CTCF: variants seen among roughly 807,000 people sequenced by gnomAD.
The protein encoded by CTCF is CCCTC-binding factor.
Under a neutral mutation model 72.3 loss-of-function variants are expected in CTCF, and 7 were observed. The observed-to-expected ratio is 0.10, with a 90% CI of 0.06 to 0.18. The LOEUF (loss-of-function observed/expected upper bound fraction) is 0.18. Among genes scored for constraint, CTCF ranks in the 10% least tolerant of loss-of-function variants. The pLI is 1.00. For missense variants in CTCF, 516 were observed against 949.1 expected, an observed-to-expected ratio of 0.54 and a Z score of 6.00; for synonymous variants, 374 against 315.8, an observed-to-expected ratio of 1.18 and a Z score of -1.95.
chr16:67,616,622 A>C, intron 4 of CTCF, 123 bp from the exon 5 acceptor site: 1 of 1,105,828 alleles, frequency 9.0e-7, no homozygotes, highest in Non-Finnish European at 1.3e-6. Flanking sequence ...TCTGCTTTCA[A>C]GCTACTGCAG....
intron 1 of CTCF, among the ~76,000 whole-genome samples, chr16:67,570,341 A>G (rs568898126): frequency 5.6e-4 from 85 of 152,212 alleles, no homozygotes; most frequent in African/African-American, 1.8e-3. Flanking sequence ...CGGCCTCCCA[A>G]AGTGCTGGGA....
chr16:67,602,670 T>C (rs113577933), intron 2 of CTCF, among the ~76,000 whole-genome samples: 22,581 of 151,638 alleles, frequency 0.15, 2,643 homozygotes, highest in African/African-American at 0.32. Flanking sequence ...GGAGAAACCC[T>C]GTCTCTCCTA....
chr16:67,592,237 C>A (rs1308837766), intron 2 of CTCF, among the ~76,000 whole-genome samples: 1 of 152,022 alleles, frequency 6.6e-6, no homozygotes, highest in Non-Finnish European at 1.5e-5. Context: ...CATAGTGAAA[C>A]CCTGTCTCTA....
At position 67,611,180 on chromosome 16, in the gene CTCF, T is replaced by A; in HGVS notation, c.348T>A (p.Val116=). 1 of 1,614,164 alleles carries A rather than the reference T, an allele frequency of 6.2e-7. No homozygotes were observed. The highest frequency in any genetic ancestry group is 1.3e-5 in the African/African-American group (1 of 75,050). The change falls in exon 3 of 12, where the codon GTT becomes GTA. Residue 116 remains valine, a synonymous_variant. Transcript: ENST00000264010. ...TAAACATAGGAGAACTTCAGCTTGT[T>A]CAAGTACCTGTTCCTGTGACTGTAC... The part of the protein sequence containing the change: ...QPINIGELQL[V]QVPVPVTVPV...
Position 67,629,448 on chromosome 16 carries a change from G to C in CTCF, c.1752G>C (p.Glu584Asp). The C allele has an allele frequency of 6.2e-7, 1 of 1,611,060 alleles. No individual in the cohort carries two copies. Residue 584 changes from glutamate (E) to aspartate (D), a missense_variant, in exon 10 of 12, where the codon GAG becomes GAC. This residue lies in a region of CTCF where 157 missense variants were observed against 172.9 expected (regional missense o/e 0.91). Coordinates refer to ENST00000264010, the MANE Select transcript of CTCF (RefSeq NM_006565.4). ...ADNCAGPDGV[E>D]GENGGETKKS... ...ATTGTGCTGGCCCAGATGGCGTAGA[G>C]GGGGAAAATGGAGGAGAAACGAAGA...
chr16:67,628,296 C>T, intron 8 of CTCF, 74 bp from the exon 9 acceptor site: 2 of 1,413,370 alleles, frequency 1.4e-6, no homozygotes, highest in Non-Finnish European at 2.0e-6. Flanking sequence ...CTGTTGGCCA[C>T]ATGCATGCAG....
intron 2 of CTCF, among the ~76,000 whole-genome samples, chr16:67,578,413 A>G (rs2051532588): frequency 1.4e-5 from 2 of 147,402 alleles, no homozygotes; most frequent in South Asian, 4.3e-4. Flanking sequence ...GCTCACTGCA[A>G]CCTCTACCTC....
At chr16:67,588,485 A>G (rs979614489) in intron 2 of CTCF, among the ~76,000 whole-genome samples, 1 of 151,986 alleles carries the variant, frequency 6.6e-6, no homozygotes, top group Non-Finnish European at 1.5e-5. Flanking sequence ...GGGAACAGAA[A>G]GTGAAGCTTA....
At chr16:67,606,948 A>G (rs939478609) in intron 2 of CTCF, among the ~76,000 whole-genome samples, 1 of 151,450 alleles carries the variant, frequency 6.6e-6, no homozygotes, top group Non-Finnish European at 1.5e-5. Context: ...GTTTTATTTT[A>G]TTTTAATTAT....
At chr16:67,595,549 GTCT>G (rs147586807) in intron 2 of CTCF, among the ~76,000 whole-genome samples, 4,668 of 152,292 alleles carry the variant, frequency 0.031, 85 homozygotes, top group Middle Eastern at 0.13. Context: ...CATGTTGAAT[GTCT>G]TCTTGGCTGG....
At chr16:67,580,896 G>A (rs1475190359) in intron 2 of CTCF, among the ~76,000 whole-genome samples, 1 of 151,434 alleles carries the variant, frequency 6.6e-6, no homozygotes, top group Non-Finnish European at 1.5e-5. Flanking sequence ...GATTACAGGC[G>A]TGAGCCACCG....
chr16:67,621,679 T>G (rs2052200420), intron 7 of CTCF, 88 bp downstream of exon 7: 1 of 989,896 alleles, frequency 1.0e-6, no homozygotes, highest in South Asian at 1.7e-5. Flanking sequence ...CTTCACCTTC[T>G]GACTCTCATA....
At chr16:67,627,167 G>A (rs896664313) in intron 8 of CTCF, 1 of 152,548 alleles carries the variant, frequency 6.6e-6, no homozygotes, top group Admixed American at 6.6e-5. Context: ...GCCGAGATAG[G>A]CAACAGAGAG....
intron 2 of CTCF, among the ~76,000 whole-genome samples, chr16:67,579,758 C>G (rs1219072751): frequency 6.6e-6 from 1 of 152,136 alleles, no homozygotes; most frequent in Non-Finnish European, 1.5e-5. Flanking sequence ...ATATACACAT[C>G]TTTAGGCTCG....
At chr16:67,582,419 AG>A (rs1378631972) in intron 2 of CTCF, among the ~76,000 whole-genome samples, 1 of 151,408 alleles carries the variant, frequency 6.6e-6, no homozygotes, top group Non-Finnish European at 1.5e-5. Flanking sequence ...TTGGCCAGGC[AG>A]GGTGGCTCAT....
At chr16:67,624,987 C>T (rs950801190) in intron 7 of CTCF, among the ~76,000 whole-genome samples, 1 of 152,122 alleles carries the variant, frequency 6.6e-6, no homozygotes, top group African/African-American at 2.4e-5. Context: ...TAGAGTGGCG[C>T]GATCTCGGCT....
At chr16:67,606,152 C>T (rs187989720) in intron 2 of CTCF, among the ~76,000 whole-genome samples, 2 of 152,312 alleles carry the variant, frequency 1.3e-5, no homozygotes, top group African/African-American at 4.8e-5. Context: ...GCACATCTTT[C>T]ACCTGTCTTA....
intron 2 of CTCF, among the ~76,000 whole-genome samples, chr16:67,576,692 C>T (rs911740968): frequency 2.0e-5 from 3 of 151,648 alleles, no homozygotes; most frequent in South Asian, 2.1e-4. Flanking sequence ...TAGCTAGAAC[C>T]GCTAATTTTT....
chr16:67,598,056 A>T (rs1234147316), intron 2 of CTCF, among the ~76,000 whole-genome samples: 1 of 152,028 alleles, frequency 6.6e-6, no homozygotes, highest in African/African-American at 2.4e-5. Context: ...TACTCACTAT[A>T]GCCTTAACCT....
Sources: gnomAD v4.1 joint callset for allele counts (sites outside exome capture counted in the v4.1 genomes callset) on GRCh38, gnomAD v4.1.1 for gene constraint, gnomAD v4.1.1 regional missense constraint, MANE v1.5 for transcripts, NCBI Gene and HGNC (gene_info 2026-07-23, HGNC 2026-07-21) for gene names.